HCRT: variants seen among roughly 807,000 people sequenced by gnomAD.
HCRT encodes hypocretin (orexin) neuropeptide.
In HCRT, 5 loss-of-function variants were observed where a neutral mutation model predicts 5.7. That is an observed-to-expected ratio of 0.87 (90% CI 0.45 to 1.83). The LOEUF is 1.83. Ranked by LOEUF, HCRT falls within the 40% of genes most tolerant of loss-of-function variation. HCRT has a pLI of 0.02. For synonymous variants in HCRT, 114 were observed against 99.0 expected (o/e 1.15, Z -0.90); for missense variants, 207 against 191.8 (o/e 1.08, Z -0.47).
At chr17:42,185,144 C>A (rs969163457) in intron 1 of HCRT, among the ~76,000 whole-genome samples, 10 of 152,212 alleles carry the variant, frequency 6.6e-5, no homozygotes, top group African/African-American at 2.4e-4. Flanking sequence ...GAGCACCTGA[C>A]ACATAGAGCT....
At chr17:42,185,293 T>C in intron 1 of HCRT, 52 bp downstream of exon 1, 1 of 1,572,110 alleles carries the variant, frequency 6.4e-7, no homozygotes, top group East Asian at 2.2e-5. Flanking sequence ...GAGCAAGCAC[T>C]CTTTTTGCTT....
rs974629435 is a variant in HCRT at position 42,185,422 on chromosome 17, A to G, written c.-57T>C. On this transcript the variant is annotated 5_prime_UTR_variant, in exon 1 of 2. Coordinates refer to ENST00000293330, the MANE Select transcript of HCRT (RefSeq NM_001524.1). ...AAAGGAGATGTCTGTGGTGGTTCAA[A>G]AAGCCAGGAACCTTGAGGCTGTCAA... is the stretch of plus-strand genomic sequence containing the variant. 1.8e-5 allele frequency: 28 copies of G among 1,571,366 alleles called. No individual in the cohort carries two copies. Among genetic ancestry groups the G allele is most frequent in the Non-Finnish European group, 2.0e-5 (23 of 1,141,326 alleles).
intron 1 of HCRT, among the ~76,000 whole-genome samples, chr17:42,184,966 C>T (rs1007173139): frequency 1.3e-5 from 2 of 152,218 alleles, no homozygotes; most frequent in African/African-American, 2.4e-5. Context: ...CCAGAATGCT[C>T]TCTCATCTGC....
In HCRT at chr17:42,185,355, G is replaced by A. The variant is rs2079927282; in HGVS notation, c.11C>T (p.Pro4Leu). The change falls in exon 1 of 2, where the codon CCT becomes CTT. Residue 4 changes from proline (P) to leucine (L), a missense_variant. Pro to Leu is a moderately conservative substitution (Grantham distance 98). Coordinates refer to ENST00000293330, the MANE Select transcript of HCRT (RefSeq NM_001524.1). MNLPSTKVSWAAVT... is the reference protein window; with the variant it reads MNLLSTKVSWAAVT... ...TCCCTGGATCTTTACCTTTGTGGAA[G>A]GAAGGTTCATGGTGTCTGGCGCTCA... 1.9e-6 allele frequency: 3 copies of A among 1,614,060 alleles called. No homozygotes were observed. Among genetic ancestry groups the A allele is most frequent in the East Asian group, 4.5e-5 (2 of 44,876 alleles).
chr17:42,184,488 AG>A lies in HCRT; in HGVS notation c.61del (p.Leu21CysfsTer75). 6.4e-7 allele frequency: 1 copy of A among 1,568,082 alleles called. No individual in the cohort carries two copies. The highest frequency in any genetic ancestry group is 8.6e-7 in the Non-Finnish European group (1 of 1,163,392). ...AAVTLLLLLL[L>X]LPPALLSSGA... is the part of the protein sequence containing the mutation. ...GGACGACAACAGCGCGGGCGGCAGC[AG>A]CAGCAGCAGCAGCAGTAGCGTCACG... On this transcript the variant is annotated frameshift_variant, in exon 2 of 2. Transcript: ENST00000293330. LOFTEE classifies it high-confidence loss of function.
intron 1 of HCRT, 65 bp downstream of exon 1, chr17:42,185,280 T>G: frequency 4.6e-6 from 7 of 1,515,966 alleles, no homozygotes; most frequent in African/African-American, 1.4e-5. Flanking sequence ...CTTCCAGCCC[T>G]CTGAGCAAGC....
intron 1 of HCRT, 47 bp from the exon 2 acceptor site, chr17:42,184,575 C>A (rs2079924618): frequency 1.1e-5 from 16 of 1,476,812 alleles, no homozygotes; most frequent in Non-Finnish European, 1.4e-5. Context: ...CCACGGCGCC[C>A]GCCACCAGCT....
Position 42,184,478 on chromosome 17 carries a change from G to A in HCRT, c.72C>T (p.Pro24=), listed in dbSNP as rs934137425. ...CAGCCGCCCCGGACGACAACAGCGC[G>A]GGCGGCAGCAGCAGCAGCAGCAGCA... is the stretch of plus-strand genomic sequence containing the variant. The part of the protein sequence containing the change: ...TLLLLLLLLP[P]ALLSSGAAAQ... Residue 24 remains proline, a synonymous_variant, in exon 2 of 2, where the codon CCC becomes CCT. Transcript: ENST00000293330. The A allele has an allele frequency of 1.9e-6, 3 of 1,585,518 alleles. No homozygotes were observed. In the African/African-American group the frequency reaches 4.0e-5, roughly 21 times the overall value.
In HCRT at chr17:42,184,539, G is replaced by C. The variant is rs372705829; in HGVS notation, c.22-11C>G. 1 of 1,518,202 alleles carries C rather than the reference G, an allele frequency of 6.6e-7. No homozygotes were observed. Among genetic ancestry groups the C allele is most frequent in the African/African-American group, 1.4e-5 (1 of 71,358 alleles). The allele number at this position is 1,518,202 out of a possible 1,614,324, so 94.0% of individuals were successfully genotyped here. A position where few individuals can be genotyped will look rare whatever the true frequency, so the allele number is the denominator to read the frequency against. The stretch of plus-strand genomic sequence containing the variant: ...GGCGGCCCAGGAGACCTAGGGAGAC[G>C]GAGACAGGGCGCTGGGGGGGTCTTC... On this transcript the variant is annotated splice_polypyrimidine_tract_variant and intron_variant, in intron 1 of 1. Coordinates refer to ENST00000293330, the MANE Select transcript of HCRT (RefSeq NM_001524.1).
At chr17:42,184,618 G>A (rs1190858404) in intron 1 of HCRT, 90 bp from the exon 2 acceptor site, 21 of 1,431,446 alleles carry the variant, frequency 1.5e-5, no homozygotes, top group Non-Finnish European at 1.8e-5. Flanking sequence ...CTGGCTCCGC[G>A]CCCCCTCCAA....
intron 1 of HCRT, among the ~76,000 whole-genome samples, chr17:42,184,893 T>G (rs1354908482): frequency 6.6e-6 from 1 of 152,166 alleles, no homozygotes; most frequent in Non-Finnish European, 1.5e-5. Flanking sequence ...CGGGCCCTAC[T>G]GAGTCCCCCC....
At chr17:42,185,273 C>A in intron 1 of HCRT, 72 bp downstream of exon 1, 1 of 1,468,268 alleles carries the variant, frequency 6.8e-7, no homozygotes, top group Non-Finnish European at 9.5e-7. Context: ...GGCCTTTCTT[C>A]CAGCCCTCTG....
At chr17:42,184,582 A>G (rs369711839) in intron 1 of HCRT, 54 bp from the exon 2 acceptor site, 1 of 1,473,634 alleles carries the variant, frequency 6.8e-7, no homozygotes, top group Non-Finnish European at 9.0e-7. Context: ...GCCCGCCACC[A>G]GCTCCCACGC....
chr17:42,184,265 C>G lies in HCRT; in HGVS notation c.285G>C (p.Leu95=), dbSNP rs948271520. The G allele has an allele frequency of 2.1e-6, 3 of 1,416,532 alleles. No individual in the cohort carries two copies. In the African/African-American group the frequency reaches 4.5e-5, roughly 21 times the overall value. The allele number at this position is 1,416,532 out of a possible 1,614,324, so 87.7% of individuals were successfully genotyped here. ...QASGNHAAGI[L]TMGRRAGAEP... ...CTGCGCCTGCGCGGCGGCCCATGGT[C>G]AGGATGCCCGCGGCGTGGTTGCCGC... The change falls in exon 2 of 2, where the codon CTG becomes CTC. Residue 95 remains leucine (L), a synonymous_variant. Transcript: ENST00000293330.
chr17:42,184,088 T>A lies in HCRT; in HGVS notation c.*66A>T. On this transcript the variant is annotated 3_prime_UTR_variant, in exon 2 of 2. Transcript: ENST00000293330. ...GGAGACTCGTCTTTATTGCCTTTTTTCTGGGGGCTGACGCTGGGTGGGCAG... is the reference window on the plus strand; with the variant it reads ...GGAGACTCGTCTTTATTGCCTTTTTACTGGGGGCTGACGCTGGGTGGGCAG... The A allele has an allele frequency of 4.9e-6, 6 of 1,236,406 alleles. No homozygotes were observed. Among genetic ancestry groups the A allele is most frequent in the Non-Finnish European group, 6.1e-6 (6 of 986,642 alleles). 76.6% of individuals were successfully genotyped at this position (1,236,406 alleles called of 1,614,324 possible).
At chr17:42,184,847 C>T (rs905952284) in intron 1 of HCRT, among the ~76,000 whole-genome samples, 2 of 152,324 alleles carry the variant, frequency 1.3e-5, no homozygotes, top group East Asian at 3.9e-4. Context: ...ACAGGAGTGT[C>T]TGTCTGCAGC....
At position 42,184,141 on chromosome 17, in the gene HCRT, C is replaced by T. The variant is rs1213649581; in HGVS notation, c.*13G>A. ...GGCAGAGGCCTGGGCCAGGACAGGG[C>T]CCGAAGAACGACTCAGATCCCGGAC... On this transcript the variant is annotated 3_prime_UTR_variant, in exon 2 of 2. Coordinates refer to ENST00000293330, the MANE Select transcript of HCRT (RefSeq NM_001524.1). 14 of 1,279,884 alleles carry T rather than the reference C, an allele frequency of 1.1e-5. No homozygotes were observed. The highest frequency in any genetic ancestry group is 3.0e-4 in the Middle Eastern group (1 of 3,326). 79.3% of individuals were successfully genotyped at this position (1,279,884 alleles called of 1,614,324 possible).
intron 1 of HCRT, 102 bp from the exon 2 acceptor site, chr17:42,184,630 C>A (rs996979547): frequency 2.6e-5 from 36 of 1,408,712 alleles, no homozygotes; most frequent in Non-Finnish European, 3.2e-5. Context: ...CCCCTCCAAG[C>A]CTGCACTCCT....
At chr17:42,184,591 G>A in intron 1 of HCRT, 63 bp from the exon 2 acceptor site, 1 of 1,460,600 alleles carries the variant, frequency 6.8e-7, no homozygotes, top group South Asian at 1.3e-5. Flanking sequence ...CAGCTCCCAC[G>A]CCCAGGACCT....
Sources: allele counts gnomAD v4.1 joint callset (sites outside exome capture counted in the v4.1 genomes callset), GRCh38; gene constraint gnomAD v4.1.1; transcripts MANE v1.5; gene names NCBI Gene and HGNC (gene_info 2026-07-23, HGNC 2026-07-21).